The following BEST3 variants were observed in gnomAD, a reference collection of about 807,000 sequenced individuals.
BEST3 encodes bestrophin-3.
Under a neutral mutation model 47.1 loss-of-function variants are expected in BEST3, and 50 were observed. The observed-to-expected ratio is 1.06, with a 90% CI of 0.85 to 1.34. BEST3 has a LOEUF of 1.34. Among genes scored for constraint, BEST3 ranks in the 40% most tolerant of loss-of-function variants. The probability of loss-of-function intolerance (pLI) is 0.00; values close to 1 mark genes in which losing one functional copy is unlikely to be tolerated. For missense variants in BEST3, 765 were observed against 817.0 expected, an observed-to-expected ratio of 0.94 and a Z score of 0.78; for synonymous variants, 282 against 298.8, an observed-to-expected ratio of 0.94 and a Z score of 0.58.
intron 4 of BEST3, among the ~76,000 whole-genome samples, chr12:69,686,334 T>G (rs1885584858): frequency 6.6e-6 from 1 of 152,206 alleles, no homozygotes; most frequent in Admixed American, 6.5e-5. Flanking sequence ...GATCTGTCTG[T>G]GCCAGAAACG....
chr12:69,680,365 G>C (rs1456342833), intron 4 of BEST3, among the ~76,000 whole-genome samples: 2 of 133,056 alleles, frequency 1.5e-5, no homozygotes, highest in East Asian at 4.3e-4. Flanking sequence ...CTGGAGTGCA[G>C]TGGCGCGATC....
chr12:69,664,919 C>A (rs117559867), intron 9 of BEST3, among the ~76,000 whole-genome samples: 9,719 of 152,180 alleles, frequency 0.064, 412 homozygotes, highest in South Asian at 0.12. Flanking sequence ...AGATAAATAG[C>A]GTAAGATTTG....
At position 69,676,952 on chromosome 12, in the gene BEST3, G is replaced by A. The variant is rs1370202882; in HGVS notation, c.831C>T (p.Thr277=). The A allele has an allele frequency of 6.2e-7, 1 of 1,614,024 alleles. No homozygotes were observed. Among genetic ancestry groups the A allele is most frequent in the Non-Finnish European group, 8.5e-7 (1 of 1,179,946 alleles). Residue 277 remains threonine (T), a synonymous_variant, in exon 7 of 10, where the codon ACC becomes ACT. Coordinates refer to ENST00000330891, the MANE Select transcript of BEST3 (RefSeq NM_032735.3). ...CTGCATAGAAGAAGAATTGTAGGAG[G>A]GTGAAGATGGGAATGTAAAGATCCA... ...HDLDLYIPIF[T]LLQFFFYAGW...
At chr12:69,661,210 C>T (rs1447823876) in intron 9 of BEST3, 4 of 152,252 alleles carry the variant, frequency 2.6e-5, no homozygotes, top group East Asian at 1.9e-4. Context: ...CCCCTTCTCA[C>T]GAGAGTGATT....
chr12:69,656,618 T>C (rs1883518399), intron 9 of BEST3, among the ~76,000 whole-genome samples: 1 of 152,142 alleles, frequency 6.6e-6, no homozygotes, highest in Non-Finnish European at 1.5e-5. Context: ...GGTATTAGTA[T>C]TATATCATTA....
chr12:69,686,779 C>CAAAAAAAAAAAAAAAA (rs71094728), intron 4 of BEST3, among the ~76,000 whole-genome samples: 128 of 99,280 alleles, frequency 1.3e-3, no homozygotes, highest in South Asian at 3.7e-3. Flanking sequence ...CTCAAAAAAA[C>CAAAAAAAAAAAAAAAA]AAAAAAAAAA....
intron 1 of BEST3, among the ~76,000 whole-genome samples, chr12:69,698,530 T>G (rs1886216476): frequency 6.6e-6 from 1 of 152,216 alleles, no homozygotes; most frequent in Non-Finnish European, 1.5e-5. Flanking sequence ...CTTGCTCAAT[T>G]TCTGGCTAAG....
chr12:69,672,800 G>T lies in BEST3; in HGVS notation c.948+85C>A, dbSNP rs1468194854. On this transcript the variant is annotated intron_variant, in intron 8 of 9. Coordinates refer to ENST00000330891, the MANE Select transcript of BEST3 (RefSeq NM_032735.3). ...GTGGCTAAAGCTCTGAAGCCAAGGG[G>T]TGTGCATTTGAAATCTGCTTAGATT... 5.3e-6 allele frequency: 5 copies of T among 947,212 alleles called. No homozygotes were observed. The South Asian group carries it at 7.7e-5, about 15-fold the overall frequency. 58.7% of individuals were successfully genotyped at this position (947,212 alleles called of 1,614,324 possible).
rs78407707 is a variant in BEST3 at position 69,668,113 on chromosome 12, C to T, written c.1100+3315G>A. Among the ~76,000 whole-genome samples, 8 of 152,266 alleles carry T rather than the reference C, an allele frequency of 5.3e-5. No individual in the cohort carries two copies. The East Asian group carries it at 1.4e-3, about 26-fold the overall frequency. The stretch of plus-strand genomic sequence containing the variant: ...TGAACAGCGCTGTTGAATGTGCTGG[C>T]TGGGAGGCAGGTCTTCTTGCAGGTG... On this transcript the variant is annotated intron_variant, in intron 9 of 9. Transcript: ENST00000330891.
At chr12:69,695,671 C>G (rs1431926815) in intron 2 of BEST3, among the ~76,000 whole-genome samples, 3 of 152,108 alleles carry the variant, frequency 2.0e-5, no homozygotes, top group Non-Finnish European at 4.4e-5. Flanking sequence ...CAGACAAAGC[C>G]AGATTTTAAT....
chr12:69,697,590 G>C, intron 2 of BEST3, 57 bp downstream of exon 2: 4 of 1,367,764 alleles, frequency 2.9e-6, no homozygotes, highest in Non-Finnish European at 3.9e-6. Context: ...AGATTTTTGA[G>C]ACTGTATCTT....
At position 69,678,684 on chromosome 12, in the gene BEST3, G is replaced by A; in HGVS notation, c.636+55C>T. ...TTCCTGGTCTAACGTGTTATATCCA[G>A]GTCCTTCTTGGTCTCTAATTAGCGT... On this transcript the variant is annotated intron_variant, in intron 5 of 9. Coordinates refer to ENST00000330891, the MANE Select transcript of BEST3 (RefSeq NM_032735.3). 4 of 1,545,484 alleles carry A rather than the reference G, an allele frequency of 2.6e-6. No individual in the cohort carries two copies. The Admixed American group carries it at 6.8e-5, about 26-fold the overall frequency.
At chr12:69,669,372 A>C (rs1228218830) in intron 9 of BEST3, among the ~76,000 whole-genome samples, 2 of 152,146 alleles carry the variant, frequency 1.3e-5, no homozygotes, top group Non-Finnish European at 2.9e-5. Context: ...ACCTCTCACA[A>C]AACCCTCTCC....
At chr12:69,696,341 C>T (rs1886132696) in intron 2 of BEST3, among the ~76,000 whole-genome samples, 1 of 152,118 alleles carries the variant, frequency 6.6e-6, no homozygotes, top group Non-Finnish European at 1.5e-5. Context: ...ACATTTCTAG[C>T]TACATTGCAA....
rs760549863 is a variant in BEST3, at chr12:69,676,936, A to G, written c.847T>C (p.Phe283Leu). ...GCTACCTTAAGCCATCCTGCATAGA[A>G]GAAGAATTGTAGGAGGGTGAAGATG... is the stretch of plus-strand genomic sequence containing the variant. ...IPIFTLLQFF[F>L]YAGWLKVAEQ... Residue 283 changes from phenylalanine (F) to leucine (L), a missense_variant, in exon 7 of 10, where the codon TTC becomes CTC. By Grantham distance (22) the Phe-to-Leu change is conservative. Coordinates refer to ENST00000330891, the MANE Select transcript of BEST3 (RefSeq NM_032735.3). The G allele has an allele frequency of 6.2e-7, 1 of 1,613,868 alleles. No individual in the cohort carries two copies. The highest frequency in any genetic ancestry group is 2.2e-5 in the East Asian group (1 of 44,888).
At position 69,672,773 on chromosome 12, in the gene BEST3, T is replaced by C. The variant is rs868529610; in HGVS notation, c.948+112A>G. The C allele has an allele frequency of 2.8e-5, 20 of 726,600 alleles. No individual in the cohort carries two copies. The Middle Eastern group carries it at 4.0e-3, about 144-fold the overall frequency. 45.0% of individuals were successfully genotyped at this position (726,600 alleles called of 1,614,324 possible). ...CAGTGCACAGCCAAGCCTCTTTCAT[T>C]TGTGGCTAAAGCTCTGAAGCCAAGG... On this transcript the variant is annotated intron_variant, in intron 8 of 9. Coordinates refer to ENST00000330891, the MANE Select transcript of BEST3 (RefSeq NM_032735.3).
At chr12:69,676,825 T>C (rs560020776) in intron 7 of BEST3, 91 bp downstream of exon 7, 3 of 1,358,908 alleles carry the variant, frequency 2.2e-6, no homozygotes, top group African/African-American at 2.9e-5. Flanking sequence ...GACTCACTCA[T>C]GAATGATTTG....
At position 69,670,055 on chromosome 12, in the gene BEST3, A is replaced by G. The variant is rs188402260; in HGVS notation, c.1100+1373T>C. The G allele has an allele frequency of 9.4e-5, 17 of 180,888 alleles. No individual in the cohort carries two copies. In the East Asian group the frequency reaches 1.5e-3, roughly 16 times the overall value. The allele number at this position is 180,888 out of a possible 1,614,324, so 11.2% of individuals were successfully genotyped here. On this transcript the variant is annotated intron_variant, in intron 9 of 9. Coordinates refer to ENST00000330891, the MANE Select transcript of BEST3 (RefSeq NM_032735.3). ...ATCGTCAAGTACTTTGCATTAATCAATGGTGAGAGTGAGGAAAAGGATAAA... is the reference window on the plus strand; with the variant it reads ...ATCGTCAAGTACTTTGCATTAATCAGTGGTGAGAGTGAGGAAAAGGATAAA...
chr12:69,674,546 T>A (rs1455892142), intron 7 of BEST3, among the ~76,000 whole-genome samples: 2 of 152,190 alleles, frequency 1.3e-5, no homozygotes, highest in Non-Finnish European at 2.9e-5. Context: ...TGGGGCTATC[T>A]GCCCTTTCTT....
Sources: allele counts gnomAD v4.1 joint callset (sites outside exome capture counted in the v4.1 genomes callset), GRCh38; gene constraint gnomAD v4.1.1; transcripts MANE v1.5; gene names NCBI Gene and HGNC (gene_info 2026-07-23, HGNC 2026-07-21).